Variants in NCKAP5 observed in about 807,000 individuals in gnomAD.
NCKAP5 encodes NCK associated protein 5, also known as nck-associated protein 5.
NCKAP5 carries 92 observed loss-of-function variants against 167.0 expected under a neutral mutation model. That is an observed-to-expected ratio of 0.55 (90% CI 0.47 to 0.66). NCKAP5 has a LOEUF of 0.66. Among genes scored for constraint, NCKAP5 ranks in the 30% least tolerant of loss-of-function variants. The probability of loss-of-function intolerance (pLI) is 0.00; values close to 1 mark genes in which losing one functional copy is unlikely to be tolerated. For missense variants in NCKAP5, 2,378 were observed against 2,315.0 expected, an observed-to-expected ratio of 1.03 and a Z score of -0.56; for synonymous variants, 891 against 877.4, an observed-to-expected ratio of 1.02 and a Z score of -0.27.
chr2:132,932,959 T>C (rs377789), intron 8 of NCKAP5, among the ~76,000 whole-genome samples: 5,725 of 146,728 alleles, frequency 0.039, 167 homozygotes, highest in South Asian at 0.084. Context: ...GAATCTCGCT[T>C]TGTTGCCCAG....
In NCKAP5 at chr2:132,790,007, T is replaced by C. The variant is rs1200247372; in HGVS notation, c.1092+16A>G. ...AGGATTCTTTTCTGGTTCATTCCGA[T>C]GCCACAGTGCCTTACCCTTTTCCTG... On this transcript the variant is annotated intron_variant, in intron 13 of 19. Coordinates refer to ENST00000409261, the MANE Select transcript of NCKAP5 (RefSeq NM_207363.3). 1.3e-6 allele frequency: 2 copies of C among 1,595,044 alleles called. No individual in the cohort carries two copies. The highest frequency in any genetic ancestry group is 2.3e-5 in the East Asian group (1 of 44,386).
intron 3 of NCKAP5, among the ~76,000 whole-genome samples, chr2:133,346,337 G>A (rs1002124862): frequency 6.6e-6 from 1 of 152,322 alleles, no homozygotes; most frequent in East Asian, 1.9e-4. Context: ...TATATTCCAA[G>A]AAGAGGAGAG....
chr2:133,187,094 T>C lies in NCKAP5; in HGVS notation c.207+26622A>G, dbSNP rs567132917. 7.2e-5 allele frequency among the ~76,000 whole-genome samples: 11 copies of C among 152,080 alleles called. No homozygotes were observed. In the East Asian group the frequency reaches 1.3e-3, roughly 19 times the overall value. ...ACTTCTTGATGAAGGTGTTTAATGCTATAAACTTTCCTCTTATCATTGCTT... is the reference window on the plus strand; with the variant it reads ...ACTTCTTGATGAAGGTGTTTAATGCCATAAACTTTCCTCTTATCATTGCTT... On this transcript the variant is annotated intron_variant, in intron 5 of 19. Coordinates refer to ENST00000409261, the MANE Select transcript of NCKAP5 (RefSeq NM_207363.3).
At chr2:133,073,802 A>T (rs2080503729) in intron 6 of NCKAP5, among the ~76,000 whole-genome samples, 1 of 152,300 alleles carries the variant, frequency 6.6e-6, no homozygotes, top group South Asian at 2.1e-4. Flanking sequence ...GAGTCAAAAA[A>T]CCAGAAGGGA....
chr2:133,577,440 T>C, the NCKAP5 span, among the ~76,000 whole-genome samples: 1 of 152,184 alleles, frequency 6.6e-6, no homozygotes, highest in African/African-American at 2.4e-5. Context: ...GCTCCCTAGA[T>C]ATATTCCCTA....
At chr2:132,949,025 A>T (rs2076095768) in intron 8 of NCKAP5, among the ~76,000 whole-genome samples, 1 of 150,330 alleles carries the variant, frequency 6.7e-6, no homozygotes, top group South Asian at 2.1e-4. Flanking sequence ...AAAAGAAAAG[A>T]AAAGAAAAGA....
At chr2:133,413,677 C>A (rs904600776) in intron 3 of NCKAP5, among the ~76,000 whole-genome samples, 3 of 152,058 alleles carry the variant, frequency 2.0e-5, no homozygotes, top group Admixed American at 6.5e-5. Flanking sequence ...CATTTTCCAG[C>A]TTCTCTTGAG....
intron 5 of NCKAP5, among the ~76,000 whole-genome samples, chr2:133,187,927 A>G (rs2085021866): frequency 6.6e-6 from 1 of 152,030 alleles, no homozygotes; most frequent in South Asian, 2.1e-4. Context: ...GAATCTATCC[A>G]ATTTGCCAGT....
intron 3 of NCKAP5, among the ~76,000 whole-genome samples, chr2:133,445,823 G>A (rs1691156157): frequency 6.6e-6 from 1 of 152,128 alleles, no homozygotes; most frequent in African/African-American, 2.4e-5. Flanking sequence ...GGAGCAGCTT[G>A]CGATAATGTG....
chr2:132,904,742 G>A (rs1240758863), intron 8 of NCKAP5, among the ~76,000 whole-genome samples: 2 of 152,144 alleles, frequency 1.3e-5, no homozygotes, highest in African/African-American at 4.8e-5. Flanking sequence ...GGTCTCATGT[G>A]AGGCTAAAAT....
At chr2:133,603,687 C>T in the NCKAP5 span, among the ~76,000 whole-genome samples, 1 of 152,074 alleles carries the variant, frequency 6.6e-6, no homozygotes, top group African/African-American at 2.4e-5. Context: ...TGCAGGCATG[C>T]ACCACCTCTC....
At chr2:132,696,469 C>T (rs1304350137) in intron 19 of NCKAP5, among the ~76,000 whole-genome samples, 2 of 152,228 alleles carry the variant, frequency 1.3e-5, no homozygotes, top group African/African-American at 4.8e-5. Flanking sequence ...ATAGGAGCTG[C>T]ATCTCCTGTA....
intron 10 of NCKAP5, among the ~76,000 whole-genome samples, chr2:132,867,036 G>A (rs1159581607): frequency 6.6e-6 from 1 of 152,066 alleles, no homozygotes; most frequent in Non-Finnish European, 1.5e-5. Flanking sequence ...CTATCTCACA[G>A]TAGCATGTCT....
chr2:133,666,132 A>G, the NCKAP5 span, among the ~76,000 whole-genome samples: 2 of 151,168 alleles, frequency 1.3e-5, no homozygotes, highest in African/African-American at 4.9e-5. Context: ...CTTTTAGCCT[A>G]CATTTACCAC....
At chr2:132,843,509 C>T (rs544162428) in intron 11 of NCKAP5, among the ~76,000 whole-genome samples, 107 of 152,004 alleles carry the variant, frequency 7.0e-4, no homozygotes, top group Middle Eastern at 3.5e-3. Flanking sequence ...AATTTCTCCA[C>T]AGTTGTTTTC....
intron 10 of NCKAP5, among the ~76,000 whole-genome samples, chr2:132,864,304 T>C (rs1690167907): frequency 2.0e-5 from 3 of 151,998 alleles, no homozygotes; most frequent in African/African-American, 7.3e-5. Context: ...AACATAAATA[T>C]TTATCATGGA....
chr2:133,216,812 G>A (rs1380230654), intron 4 of NCKAP5, among the ~76,000 whole-genome samples: 1 of 152,056 alleles, frequency 6.6e-6, no homozygotes, highest in Non-Finnish European at 1.5e-5. Context: ...CTAGAAGAAG[G>A]AGAGTGGCTG....
rs1374791045 is a variant in NCKAP5 at position 132,796,707 on chromosome 2, T to A, written c.830A>T (p.Asp277Val). ...TGAAAGCAAATCTCCAGATGAAAGA[T>A]CCAAGAGACGTGAGTGAAGTTTCTA... ...LLQKLHSRLL[D>V]LSSGDLLSEV... is the part of the protein sequence containing the mutation. The change falls in exon 12 of 20, where the codon GAT (aspartate) becomes GTT (valine). Residue 277 changes from aspartate to valine, a missense_variant. By Grantham distance (152) the Asp-to-Val change is radical. Coordinates refer to ENST00000409261, the MANE Select transcript of NCKAP5 (RefSeq NM_207363.3). 6.2e-7 allele frequency: 1 copy of A among 1,613,058 alleles called. No individual in the cohort carries two copies.
intron 3 of NCKAP5, among the ~76,000 whole-genome samples, chr2:133,464,212 C>A (rs569332712): frequency 1.3e-5 from 2 of 152,292 alleles, no homozygotes; most frequent in South Asian, 4.1e-4. Flanking sequence ...ACACAGTATT[C>A]TAAGATAATC....
Sources: allele counts gnomAD v4.1 joint callset (sites outside exome capture counted in the v4.1 genomes callset), GRCh38; gene constraint gnomAD v4.1.1; transcripts MANE v1.5; gene names NCBI Gene and HGNC (gene_info 2026-07-23, HGNC 2026-07-21).